The following HMCN1 variants were observed in gnomAD, a reference collection of about 807,000 sequenced individuals.
HMCN1 encodes the protein hemicentin 1, also known as hemicentin-1.
In HMCN1, 321 loss-of-function variants were observed where a neutral mutation model predicts 625.9. The ratio of observed to expected loss-of-function variants is 0.51; its 90% CI spans 0.47 to 0.56. The LOEUF is 0.56. Among genes scored for constraint, HMCN1 ranks in the 20% least tolerant of loss-of-function variants. The pLI, the probability that HMCN1 is intolerant of heterozygous loss-of-function variation, is 0.00. For missense variants in HMCN1, 6,588 were observed against 6,887.3 expected (o/e 0.96, Z 1.54); for synonymous variants, 2,425 against 2,417.6 (o/e 1.00, Z -0.09).
At chr1:186,093,461 C>A in intron 65 of HMCN1, 25 bp from the exon 66 acceptor site, 1 of 1,610,498 alleles carries the variant, frequency 6.2e-7, no homozygotes, top group Non-Finnish European at 8.5e-7. Flanking sequence ...CCTCTTCCCT[C>A]TCTCTCACTT....
intron 56 of HMCN1, among the ~76,000 whole-genome samples, chr1:186,081,644 A>T (rs1659177619): frequency 6.6e-6 from 1 of 152,166 alleles, no homozygotes; most frequent in African/African-American, 2.4e-5. Context: ...ATTGACTACA[A>T]TATGGCCTTT....
intron 1 of HMCN1, among the ~76,000 whole-genome samples, chr1:185,737,159 ATT>A (rs879391788): frequency 4.3e-5 from 6 of 139,938 alleles, no homozygotes; most frequent in Non-Finnish European, 1.6e-5. Flanking sequence ...GTTGTTGTTT[ATT>A]TTTTTTTTTT....
At chr1:185,979,249 A>G (rs570382733) in intron 16 of HMCN1, among the ~76,000 whole-genome samples, 1 of 152,240 alleles carries the variant, frequency 6.6e-6, no homozygotes, top group South Asian at 2.1e-4. Flanking sequence ...ATGAGCTAGA[A>G]GTTAGAGAGC....
intron 24 of HMCN1, among the ~76,000 whole-genome samples, chr1:185,996,797 A>G (rs1390268262): frequency 1.3e-5 from 2 of 152,144 alleles, no homozygotes; most frequent in Non-Finnish European, 1.5e-5. Context: ...AAATGAATGG[A>G]TGATGGAGCT....
Position 186,062,396 on chromosome 1 carries a change from A to G in HMCN1, c.7427-118A>G. ...TGACATTCTAGCAATCAAATAATGA[A>G]TGTGGATTGGGGGATTTGTTTTGAA... On this transcript the variant is annotated intron_variant, in intron 47 of 106. Coordinates refer to ENST00000271588, the MANE Select transcript of HMCN1 (RefSeq NM_031935.3). 4.3e-6 allele frequency: 3 copies of G among 704,940 alleles called. No homozygotes were observed. In the South Asian group the frequency reaches 4.5e-5, roughly 11 times the overall value. 43.7% of individuals were successfully genotyped at this position (704,940 alleles called of 1,614,324 possible).
intron 4 of HMCN1, among the ~76,000 whole-genome samples, chr1:185,895,885 C>T (rs1180572419): frequency 6.6e-6 from 1 of 152,118 alleles, no homozygotes; most frequent in African/African-American, 2.4e-5. Context: ...TAAATTGCCA[C>T]ATTTGGTTTG....
At chr1:185,946,318 A>G (rs1206414550) in intron 11 of HMCN1, among the ~76,000 whole-genome samples, 1 of 152,102 alleles carries the variant, frequency 6.6e-6, no homozygotes, top group Non-Finnish European at 1.5e-5. Flanking sequence ...TATTTATGTG[A>G]AATTATCCCT....
chr1:186,073,197 A>G (rs1658579745), intron 52 of HMCN1, among the ~76,000 whole-genome samples: 1 of 152,176 alleles, frequency 6.6e-6, no homozygotes, highest in Admixed American at 6.6e-5. Flanking sequence ...TAAGTGAAAA[A>G]GGTACTTCAA....
intron 4 of HMCN1, among the ~76,000 whole-genome samples, chr1:185,894,362 T>C (rs970096287): frequency 6.6e-6 from 1 of 152,186 alleles, no homozygotes; most frequent in Admixed American, 6.5e-5. Context: ...TTCTATTTTA[T>C]GAATATACCA....
At chr1:185,883,424 T>C (rs1185166378) in intron 4 of HMCN1, among the ~76,000 whole-genome samples, 1 of 152,098 alleles carries the variant, frequency 6.6e-6, no homozygotes, top group Non-Finnish European at 1.5e-5. Context: ...CTGCTCCCTG[T>C]CATTCAGGCT....
chr1:186,128,339 C>A, intron 83 of HMCN1, 48 bp downstream of exon 83: 1 of 1,427,224 alleles, frequency 7.0e-7, no homozygotes. Context: ...CTATGTAGAA[C>A]TCTAGACGAA....
intron 4 of HMCN1, among the ~76,000 whole-genome samples, chr1:185,881,376 C>T (rs1293240106): frequency 6.6e-6 from 1 of 152,218 alleles, no homozygotes; most frequent in African/African-American, 2.4e-5. Flanking sequence ...TGGTCAAATT[C>T]TTCTCCAAAG....
intron 89 of HMCN1, among the ~76,000 whole-genome samples, chr1:186,140,404 A>G (rs910080453): frequency 6.6e-6 from 1 of 152,202 alleles, no homozygotes; most frequent in African/African-American, 2.4e-5. Flanking sequence ...TTTGTCTAAC[A>G]TCTCCTCATG....
chr1:185,909,563 A>G, intron 5 of HMCN1, 55 bp downstream of exon 5: 1 of 1,441,210 alleles, frequency 6.9e-7, no homozygotes, highest in Non-Finnish European at 9.7e-7. Context: ...AGGGTAAAAT[A>G]CTTTTCACAC....
chr1:186,076,251 C>T (rs574730114), intron 53 of HMCN1, among the ~76,000 whole-genome samples, 177 bp from the exon 54 acceptor site: 2 of 152,234 alleles, frequency 1.3e-5, no homozygotes, highest in South Asian at 2.1e-4. Flanking sequence ...CAACCAGCTC[C>T]GACTTTCGTG....
rs915881906 is a variant in HMCN1 at position 186,114,193 on chromosome 1, G to A, written c.11276+70G>A. The A allele has an allele frequency of 4.2e-5, 64 of 1,522,566 alleles. No homozygotes were observed. In the African/African-American group the frequency reaches 8.2e-4, roughly 20 times the overall value. The allele number at this position is 1,522,566 out of a possible 1,614,324, so 94.3% of individuals were successfully genotyped here. On this transcript the variant is annotated intron_variant, in intron 73 of 106. Transcript: ENST00000271588. ...CAAATTCTTAATTTTTTTTCCTAGTGCACTATTTTGGTCTCATTATGTTTA... is the reference window on the plus strand; with the variant it reads ...CAAATTCTTAATTTTTTTTCCTAGTACACTATTTTGGTCTCATTATGTTTA...
chr1:186,114,957 G>A lies in HMCN1; in HGVS notation c.11404+11G>A, dbSNP rs187354891. The A allele has an allele frequency of 3.7e-4, 596 of 1,614,130 alleles. No homozygotes were observed. Among genetic ancestry groups the A allele is most frequent in the Admixed American group, 6.3e-4 (38 of 60,018 alleles). On this transcript the variant is annotated intron_variant, in intron 74 of 106. Transcript: ENST00000271588. ...ATTTACAGGTCCATGGTAAATATCCGTTTATAGACAACATCCGGTCTCTGT... is the reference window on the plus strand; with the variant it reads ...ATTTACAGGTCCATGGTAAATATCCATTTATAGACAACATCCGGTCTCTGT...
intron 11 of HMCN1, among the ~76,000 whole-genome samples, chr1:185,944,167 A>G (rs1375985547): frequency 6.6e-6 from 1 of 152,138 alleles, no homozygotes; most frequent in East Asian, 1.9e-4. Flanking sequence ...AGTGGGAAAA[A>G]AAAAAGAAAA....
At chr1:185,926,903 T>C (rs1667305775) in intron 9 of HMCN1, among the ~76,000 whole-genome samples, 1 of 152,218 alleles carries the variant, frequency 6.6e-6, no homozygotes, top group Non-Finnish European at 1.5e-5. Context: ...TTCAAAACTT[T>C]TTTAATTATG....
Sources: gnomAD v4.1 joint callset for allele counts (sites outside exome capture counted in the v4.1 genomes callset) on GRCh38, gnomAD v4.1.1 for gene constraint, MANE v1.5 for transcripts, NCBI Gene and HGNC (gene_info 2026-07-23, HGNC 2026-07-21) for gene names.